The following OR9Q1 variants were observed in gnomAD, a reference collection of about 807,000 sequenced individuals.
OR9Q1 encodes olfactory receptor family 9 subfamily Q member 1.
For missense variants in OR9Q1, 374 were observed against 378.8 expected (o/e 0.99, Z 0.11); for synonymous variants, 153 against 148.6 (o/e 1.03, Z -0.22).
chr11:58,036,646 G>A (rs1029521177), intron 1 of OR9Q1, among the ~76,000 whole-genome samples: 2 of 152,222 alleles, frequency 1.3e-5, no homozygotes, highest in African/African-American at 4.8e-5. Flanking sequence ...TTTGGAATAA[G>A]TTGATTCCAA....
intron 2 of OR9Q1, among the ~76,000 whole-genome samples, chr11:58,098,677 C>T (rs964518262): frequency 1.3e-5 from 2 of 152,104 alleles, no homozygotes; most frequent in African/African-American, 2.4e-5. Flanking sequence ...TTATTAGCAG[C>T]TTTGTTGAGG....
At chr11:58,136,511 G>A (rs553942846) in intron 2 of OR9Q1, among the ~76,000 whole-genome samples, 1 of 152,222 alleles carries the variant, frequency 6.6e-6, no homozygotes, top group South Asian at 2.1e-4. Context: ...CTCCCTGCCT[G>A]GAGATTTTGA....
chr11:58,119,349 C>A (rs756345013), intron 2 of OR9Q1: 11 of 1,613,696 alleles, frequency 6.8e-6, no homozygotes, highest in Non-Finnish European at 9.3e-6. Flanking sequence ...GGTAGAAACT[C>A]AGAAACACCA....
chr11:58,044,735 A>G (rs1853199550), intron 1 of OR9Q1: 1 of 150,276 alleles, frequency 6.7e-6, no homozygotes, highest in South Asian at 2.1e-4. Flanking sequence ...GATAGGTAAG[A>G]ATAAGCTCTT....
intron 2 of OR9Q1, among the ~76,000 whole-genome samples, chr11:58,127,687 G>A (rs1207603917): frequency 4.6e-5 from 7 of 152,168 alleles, no homozygotes; most frequent in Admixed American, 4.6e-4. Flanking sequence ...GCAGGTGGGT[G>A]TACTGATCTG....
chr11:58,119,553 G>C (rs759805733), intron 2 of OR9Q1: 270 of 725,208 alleles, frequency 3.7e-4, no homozygotes, highest in Non-Finnish European at 5.5e-4. Context: ...TTTAATTCTG[G>C]GTCTATTTGT....
chr11:58,145,123 C>T (rs1854288054), intron 2 of OR9Q1: 1 of 152,472 alleles, frequency 6.6e-6, no homozygotes, highest in South Asian at 2.0e-4. Context: ...TTCAGTGATT[C>T]TTACATCGTA....
chr11:58,042,898 C>CTT (rs1396384275), intron 1 of OR9Q1, among the ~76,000 whole-genome samples: 4 of 152,084 alleles, frequency 2.6e-5, no homozygotes, highest in African/African-American at 9.7e-5. Flanking sequence ...ATTTTATTCT[C>CTT]TTTGAAGCAA....
Position 58,031,643 on chromosome 11 carries a change from C to G in OR9Q1, c.-93+7539C>G, listed in dbSNP as rs780999811. ...TGGCAACATCGTCTGGACACTGCTG[C>G]ACATCCGCTCAGCTGCTGAGCGCTG... On this transcript the variant is annotated intron_variant, in intron 1 of 2. Transcript: ENST00000335397. 3 of 1,613,910 alleles carry G rather than the reference C, an allele frequency of 1.9e-6. No individual in the cohort carries two copies. In the East Asian group the frequency reaches 6.7e-5, roughly 36 times the overall value.
intron 2 of OR9Q1, among the ~76,000 whole-genome samples, chr11:58,113,450 G>A (rs1853921372): frequency 6.6e-6 from 1 of 152,158 alleles, no homozygotes; most frequent in Admixed American, 6.6e-5. Context: ...GACAGCCAGA[G>A]GCTAGGAGAC....
chr11:58,180,461 A>C lies in OR9Q1; in HGVS notation c.*84A>C. On this transcript the variant is annotated 3_prime_UTR_variant, in exon 3 of 3. Coordinates refer to ENST00000335397, the MANE Select transcript of OR9Q1 (RefSeq NM_001005212.4). ...ACGCTCATTATTTATAGCATGCTCA[A>C]TGTTTAAATGAATATATTATGGTAC... 1.3e-6 allele frequency: 1 copy of C among 786,194 alleles called. No homozygotes were observed. The highest frequency in any genetic ancestry group is 2.0e-6 in the Non-Finnish European group (1 of 494,072). The allele number at this position is 786,194 out of a possible 1,614,324, so 48.7% of individuals were successfully genotyped here. A position where few individuals can be genotyped will look rare whatever the true frequency, so the allele number is the denominator to read the frequency against.
At chr11:58,147,868 C>T (rs1480944465) in intron 2 of OR9Q1, among the ~76,000 whole-genome samples, 1 of 152,146 alleles carries the variant, frequency 6.6e-6, no homozygotes, top group Non-Finnish European at 1.5e-5. Flanking sequence ...AAAAAAGTCT[C>T]ATTCTTAAAA....
intron 2 of OR9Q1, among the ~76,000 whole-genome samples, chr11:58,083,250 C>A (rs1259111137): frequency 6.6e-6 from 1 of 152,096 alleles, no homozygotes; most frequent in East Asian, 1.9e-4. Flanking sequence ...TTCCCAGCAC[C>A]ATTTATTAAA....
intron 1 of OR9Q1, among the ~76,000 whole-genome samples, chr11:58,027,800 C>A (rs1190388734): frequency 2.6e-5 from 4 of 152,232 alleles, no homozygotes; most frequent in African/African-American, 9.6e-5. Flanking sequence ...CTTTACCCCT[C>A]CTTCAGCTTT....
intron 2 of OR9Q1, among the ~76,000 whole-genome samples, chr11:58,146,313 A>G (rs1854298592): frequency 6.6e-6 from 1 of 152,218 alleles, no homozygotes; most frequent in African/African-American, 2.4e-5. Flanking sequence ...GACAGATAAC[A>G]ATGAATCTGA....
intron 2 of OR9Q1, among the ~76,000 whole-genome samples, chr11:58,116,201 G>T (rs907404596): frequency 6.6e-6 from 1 of 152,078 alleles, no homozygotes; most frequent in Non-Finnish European, 1.5e-5. Flanking sequence ...GTCAACTTAT[G>T]GTCCACAATA....
intron 2 of OR9Q1, among the ~76,000 whole-genome samples, chr11:58,104,963 C>A (rs185439264): frequency 6.6e-6 from 1 of 152,170 alleles, no homozygotes; most frequent in Admixed American, 6.5e-5. Context: ...CTAACCAATT[C>A]GGACTAATCC....
At chr11:58,032,604 T>C (rs55665208) in intron 1 of OR9Q1, among the ~76,000 whole-genome samples, 24,455 of 152,110 alleles carry the variant, frequency 0.16, 2,095 homozygotes, top group Non-Finnish European at 0.2. Flanking sequence ...ATCACCATAT[T>C]CAAAAATTAA....
rs1442521913 is a variant in OR9Q1 at position 58,163,688 on chromosome 11, C to A, written c.-14-15743C>A. 5.3e-5 allele frequency among the ~76,000 whole-genome samples: 8 copies of A among 152,330 alleles called. No individual in the cohort carries two copies. The East Asian group carries it at 7.7e-4, about 15-fold the overall frequency. On this transcript the variant is annotated intron_variant, in intron 2 of 2. Coordinates refer to ENST00000335397, the MANE Select transcript of OR9Q1 (RefSeq NM_001005212.4). ...TCCAGGGAGGGCAAACTAGAGGCTA[C>A]AATGGGCCTTGCCTTTTCCTAGGTG...
Sources: gnomAD v4.1 joint callset for allele counts (sites outside exome capture counted in the v4.1 genomes callset) on GRCh38, gnomAD v4.1.1 for gene constraint, MANE v1.5 for transcripts, NCBI Gene and HGNC (gene_info 2026-07-23, HGNC 2026-07-21) for gene names.